The following VSX1 variants were observed in gnomAD, a reference collection of about 807,000 sequenced individuals.
The protein encoded by VSX1 is homeodomain protein RINX.
VSX1 carries 23 observed loss-of-function variants against 23.6 expected under a neutral mutation model. The observed-to-expected ratio is 0.97, with a 90% CI of 0.70 to 1.38. The LOEUF (loss-of-function observed/expected upper bound fraction) is 1.38. Among genes scored for constraint, VSX1 ranks in the 40% most tolerant of loss-of-function variants. The pLI is 0.00. For synonymous variants in VSX1, 247 were observed against 215.1 expected, an observed-to-expected ratio of 1.15 and a Z score of -1.30; for missense variants, 517 against 495.4, an observed-to-expected ratio of 1.04 and a Z score of -0.41.
Position 25,081,757 on chromosome 20 carries a change from G to C in VSX1, c.340C>G (p.Pro114Ala), listed in dbSNP as rs998867232. ...ADVPFLPPRG[P>A]EPAAPLAPSR... ...GGAGCCAGCGGGGCAGCGGGCTCGGGGCCCCTGGGCGGCAGGAACGGCACG... is the reference window on the plus strand; with the variant it reads ...GGAGCCAGCGGGGCAGCGGGCTCGGCGCCCCTGGGCGGCAGGAACGGCACG... The change falls in exon 1 of 5, where the codon CCC becomes GCC. Residue 114 changes from proline to alanine, a missense_variant. Transcript: ENST00000376709. The C allele has an allele frequency of 5.1e-5, 77 of 1,499,570 alleles. No homozygotes were observed. Among genetic ancestry groups the C allele is most frequent in the Non-Finnish European group, 6.7e-5 (76 of 1,132,720 alleles). 92.9% of individuals were successfully genotyped at this position (1,499,570 alleles called of 1,614,324 possible). A position where few individuals can be genotyped will look rare whatever the true frequency, so the allele number is the denominator to read the frequency against.
chr20:25,077,917 G>T, intron 3 of VSX1, 52 bp from the exon 4 acceptor site: 1 of 1,544,212 alleles, frequency 6.5e-7, no homozygotes, highest in South Asian at 1.2e-5. Flanking sequence ...AGTGAAGAGG[G>T]GCGCCTGGAG....
downstream of VSX1, among the ~76,000 whole-genome samples, chr20:25,072,927 T>G (rs1159088042): frequency 6.6e-6 from 1 of 152,210 alleles, no homozygotes. Flanking sequence ...AATCTCCTTT[T>G]GGATTTTAAC....
rs947004856 is a variant in VSX1, at chr20:25,076,561, A to T, written c.809-11T>A. 9 of 1,586,606 alleles carry T rather than the reference A, an allele frequency of 5.7e-6. No homozygotes were observed. Among genetic ancestry groups the T allele is most frequent in the Middle Eastern group, 1.7e-4 (1 of 5,876 alleles). On this transcript the variant is annotated splice_polypyrimidine_tract_variant and intron_variant, in intron 4 of 4. Coordinates refer to ENST00000376709, the MANE Select transcript of VSX1 (RefSeq NM_014588.6). ...ATTTTTTATGCATCCCTTGTAAAAA[A>T]AAAAATAAAAAGGAAAAAATAAAAA...
downstream of VSX1, chr20:25,071,703 C>G (rs929660746): frequency 1.5e-6 from 1 of 659,744 alleles, no homozygotes; most frequent in Non-Finnish European, 2.8e-6. Flanking sequence ...TTCTCATCAG[C>G]TGGTAATAGA....
At chr20:25,070,982 A>C, downstream of VSX1, 1 of 453,806 alleles carries the variant, frequency 2.2e-6, no homozygotes, top group South Asian at 1.6e-5. Flanking sequence ...AAGTGAAAAA[A>C]AGTCTTAAAA....
At chr20:25,081,114 G>A (rs1199927047) in intron 1 of VSX1, among the ~76,000 whole-genome samples, 1 of 152,230 alleles carries the variant, frequency 6.6e-6, no homozygotes, top group African/African-American at 2.4e-5. Context: ...CCTGCACAGG[G>A]GACTGGGAGG....
downstream of VSX1, chr20:25,071,001 T>C (rs1256380657): frequency 6.6e-6 from 3 of 454,096 alleles, no homozygotes; most frequent in East Asian, 2.1e-4. Context: ...AATGTCAGTA[T>C]GAGACAACAG....
chr20:25,078,504 TTTGTG>T, intron 3 of VSX1: 1 of 1,278,454 alleles, frequency 7.8e-7, no homozygotes, highest in South Asian at 1.9e-5. Context: ...TCCTCAGGCA[TTTGTG>T]TTGATTTCTT....
chr20:25,071,942 C>T, downstream of VSX1: 2 of 665,440 alleles, frequency 3.0e-6, no homozygotes, highest in South Asian at 1.7e-5. Flanking sequence ...TCATCAGGCA[C>T]CACCACGGGG....
intron 2 of VSX1, 30 bp from the exon 3 acceptor site, chr20:25,078,982 C>T: frequency 6.2e-7 from 1 of 1,612,726 alleles, no homozygotes; most frequent in Non-Finnish European, 8.5e-7. Flanking sequence ...CACAGGTGGG[C>T]ACATGTCCCC....
intron 4 of VSX1, among the ~76,000 whole-genome samples, chr20:25,076,982 T>C (rs2089510393): frequency 6.6e-6 from 1 of 152,184 alleles, no homozygotes; most frequent in Non-Finnish European, 1.5e-5. Context: ...TTGGTAGCTG[T>C]TCAAAAACTG....
At chr20:25,071,674 T>TA, downstream of VSX1, 1 of 620,634 alleles carries the variant, frequency 1.6e-6, no homozygotes, top group South Asian at 1.5e-5. Context: ...AGGACCTAGC[T>TA]GTCATGACTG....
At position 25,082,121 on chromosome 20, in the gene VSX1, G is replaced by T; in HGVS notation, c.-25C>A. On this transcript the variant is annotated 5_prime_UTR_variant, in exon 1 of 5. Transcript: ENST00000376709. Reference sequence around the variant, plus strand: ...TGGTTCCTTAGCAAGCAAGGCGCGAGCCTCTCTGGATCCCGTTTGCGGAGG... The same window carrying T: ...TGGTTCCTTAGCAAGCAAGGCGCGATCCTCTCTGGATCCCGTTTGCGGAGG... The T allele has an allele frequency of 2.0e-6, 3 of 1,536,692 alleles. No individual in the cohort carries two copies. Among genetic ancestry groups the T allele is most frequent in the Admixed American group, 2.0e-5 (1 of 51,042 alleles).
At chr20:25,078,664 G>T in intron 3 of VSX1, 165 bp downstream of exon 3, 1 of 1,589,462 alleles carries the variant, frequency 6.3e-7, no homozygotes, top group East Asian at 2.2e-5. Flanking sequence ...AGGCATGAGG[G>T]TCATAGGGGC....
Position 25,081,481 on chromosome 20 carries a change from G to A in VSX1, c.424+192C>T, listed in dbSNP as rs371987589. 2.8e-5 allele frequency: 25 copies of A among 888,384 alleles called. No homozygotes were observed. The African/African-American group carries it at 3.4e-4, about 12-fold the overall frequency. 55.0% of individuals were successfully genotyped at this position (888,384 alleles called of 1,614,324 possible). ...AACAGGACCCCGGATGAGAGGCAGGGATTTAGGATGCAGCAAGGGGCAGGC... is the reference window on the plus strand; with the variant it reads ...AACAGGACCCCGGATGAGAGGCAGGAATTTAGGATGCAGCAAGGGGCAGGC... On this transcript the variant is annotated intron_variant, in intron 1 of 4. Coordinates refer to ENST00000376709, the MANE Select transcript of VSX1 (RefSeq NM_014588.6).
Position 25,082,131 on chromosome 20 carries a change from A to G in VSX1, c.-35T>C. 1.3e-6 allele frequency: 2 copies of G among 1,536,260 alleles called. No homozygotes were observed. Among genetic ancestry groups the G allele is most frequent in the Non-Finnish European group, 1.7e-6 (2 of 1,147,108 alleles). On this transcript the variant is annotated 5_prime_UTR_variant, in exon 1 of 5. Transcript: ENST00000376709. ...GCAAGCAAGGCGCGAGCCTCTCTGG[A>G]TCCCGTTTGCGGAGGGCCCAGCTTA...
chr20:25,076,601 C>T, intron 4 of VSX1, 51 bp from the exon 5 acceptor site: 2 of 1,542,386 alleles, frequency 1.3e-6, no homozygotes, highest in Non-Finnish European at 1.7e-6. Flanking sequence ...AATTTAAATT[C>T]AGCAATGAAG....
intron 4 of VSX1, among the ~76,000 whole-genome samples, chr20:25,076,995 C>T (rs532106356): frequency 7.2e-5 from 11 of 152,292 alleles, no homozygotes; most frequent in African/African-American, 2.4e-4. Flanking sequence ...AAAAACTGTT[C>T]GCTGAGCAAA....
At chr20:25,078,075 T>G in intron 3 of VSX1, 1 of 626,190 alleles carries the variant, frequency 1.6e-6, no homozygotes, top group Admixed American at 2.9e-5. Flanking sequence ...CGGTCCGGAC[T>G]CACGGGCATT....
Sources: gnomAD v4.1 joint callset for allele counts (sites outside exome capture counted in the v4.1 genomes callset) on GRCh38, gnomAD v4.1.1 for gene constraint, MANE v1.5 for transcripts, NCBI Gene and HGNC (gene_info 2026-07-23, HGNC 2026-07-21) for gene names.